Variants in SYT14 observed in about 807,000 individuals in gnomAD.
The protein encoded by SYT14 is synaptotagmin 14, also known as synaptotagmin-14.
SYT14 carries 32 observed loss-of-function variants against 74.2 expected under a neutral mutation model. The ratio of observed to expected loss-of-function variants is 0.43; its 90% CI spans 0.33 to 0.58. SYT14 has a LOEUF of 0.58. Among genes scored for constraint, SYT14 ranks in the 20% least tolerant of loss-of-function variants. The pLI is 0.05. For missense variants in SYT14, 791 were observed against 981.8 expected (o/e 0.81, Z 2.60); for synonymous variants, 298 against 337.7 (o/e 0.88, Z 1.29).
At chr1:210,082,454 T>A (rs2081634127) in intron 5 of SYT14, among the ~76,000 whole-genome samples, 1 of 152,140 alleles carries the variant, frequency 6.6e-6, no homozygotes, top group Admixed American at 6.5e-5. Flanking sequence ...ACATTTCGCT[T>A]CTGTTGGTGT....
At chr1:210,087,705 C>G (rs2081764576) in intron 5 of SYT14, among the ~76,000 whole-genome samples, 1 of 152,156 alleles carries the variant, frequency 6.6e-6, no homozygotes, top group African/African-American at 2.4e-5. Flanking sequence ...TCTGACACTG[C>G]ATGTTTGATT....
intron 7 of SYT14, among the ~76,000 whole-genome samples, chr1:210,111,405 C>G (rs1344364162): frequency 6.6e-6 from 1 of 151,406 alleles, no homozygotes; most frequent in African/African-American, 2.5e-5. Context: ...TCAGTTACTT[C>G]AGGCCATCTG....
intron 2 of SYT14, among the ~76,000 whole-genome samples, chr1:210,002,377 ACTTTATATTGGAAT>A (rs1297216547): frequency 7.2e-5 from 11 of 151,920 alleles, no homozygotes; most frequent in East Asian, 1.9e-4. Context: ...CCTGTTTTGA[ACTTTATATTGGAAT>A]CTTTATATTG....
chr1:210,163,362 A>G (rs752432462), exon 10 of SYT14: 4 of 453,598 alleles, frequency 8.8e-6, no homozygotes, highest in South Asian at 4.7e-5. Context: ...AAAAATTAAT[A>G]AACAGTTTTT....
In SYT14 at chr1:210,013,642, A is replaced by G. The variant is rs773689608; in HGVS notation, c.-476A>G. ...CTTTTTTTTTCTCTAGTATCTCCAG[A>G]GGCAGTTGGATTTTTGTCAGCTGTT... On this transcript the variant is annotated 5_prime_UTR_variant, in exon 3 of 10. Coordinates refer to ENST00000637265, the Ensembl canonical transcript of SYT14. 6.2e-7 allele frequency: 1 copy of G among 1,612,916 alleles called. No individual in the cohort carries two copies. Among genetic ancestry groups the G allele is most frequent in the Admixed American group, 1.7e-5 (1 of 59,990 alleles).
chr1:210,050,404 T>G (rs1001337089), intron 5 of SYT14, among the ~76,000 whole-genome samples: 4 of 152,186 alleles, frequency 2.6e-5, no homozygotes, highest in African/African-American at 9.7e-5. Flanking sequence ...ATTCAACAAG[T>G]CTATAGGAAG....
At chr1:210,104,819 CAAT>C (rs2082130118) in intron 7 of SYT14, among the ~76,000 whole-genome samples, 1 of 152,118 alleles carries the variant, frequency 6.6e-6, no homozygotes, top group Admixed American at 6.5e-5. Flanking sequence ...GAGTGGCTAG[CAAT>C]AATAATAGTG....
chr1:209,966,034 G>A, intron 2 of SYT14: 2 of 415,180 alleles, frequency 4.8e-6, no homozygotes, highest in Non-Finnish European at 9.6e-6. Flanking sequence ...ACCACACCCA[G>A]CTAATTTTGG....
intron 5 of SYT14, among the ~76,000 whole-genome samples, chr1:210,026,030 G>C (rs1033882033): frequency 2.6e-5 from 4 of 151,748 alleles, no homozygotes; most frequent in Non-Finnish European, 5.9e-5. Flanking sequence ...AGAAAAAGTA[G>C]GAAAATGTAA....
chr1:209,991,283 G>A (rs1251012123), intron 2 of SYT14, among the ~76,000 whole-genome samples: 5 of 152,014 alleles, frequency 3.3e-5, no homozygotes, highest in Non-Finnish European at 1.5e-5. Flanking sequence ...AGACAAATGG[G>A]GCTATATAAA....
At chr1:210,121,624 C>T (rs1372542151) in intron 7 of SYT14, among the ~76,000 whole-genome samples, 1 of 151,904 alleles carries the variant, frequency 6.6e-6, no homozygotes, top group Non-Finnish European at 1.5e-5. Context: ...GAAACTCTGT[C>T]TCTACTAAAA....
intron 2 of SYT14, among the ~76,000 whole-genome samples, chr1:209,989,809 G>A (rs2079633325): frequency 6.6e-6 from 1 of 152,042 alleles, no homozygotes; most frequent in African/African-American, 2.4e-5. Flanking sequence ...GCTTTGCCTA[G>A]TGTGTATATA....
At chr1:209,953,319 A>T (rs1450686998) in intron 2 of SYT14, 1 of 1,185,908 alleles carries the variant, frequency 8.4e-7, no homozygotes. Flanking sequence ...TGGAAGAATC[A>T]GGAGAACCTT....
chr1:210,000,613 C>CTTTTTTTTT (rs71146203), intron 2 of SYT14, among the ~76,000 whole-genome samples: 1 of 105,422 alleles, frequency 9.5e-6, no homozygotes. Flanking sequence ...TTTATGCCTT[C>CTTTTTTTTT]TTTTTTTTTT....
chr1:210,067,067 TC>T (rs1229932367), intron 5 of SYT14, among the ~76,000 whole-genome samples: 1 of 152,068 alleles, frequency 6.6e-6, no homozygotes, highest in Admixed American at 6.6e-5. Flanking sequence ...GACTGTTCTT[TC>T]CCCATTGAAT....
At chr1:210,145,520 A>G (rs1009043382) in intron 7 of SYT14, among the ~76,000 whole-genome samples, 2 of 152,242 alleles carry the variant, frequency 1.3e-5, no homozygotes, top group African/African-American at 4.8e-5. Flanking sequence ...GAGGACATAC[A>G]AAGATGAATA....
At position 209,964,687 on chromosome 1, in the gene SYT14, A is replaced by T. The variant is rs2079127728; in HGVS notation, c.-486+11931A>T. 2.0e-5 allele frequency among the ~76,000 whole-genome samples: 3 copies of T among 152,270 alleles called. No individual in the cohort carries two copies. The South Asian group carries it at 6.2e-4, about 32-fold the overall frequency. ...CCTATCATGAGGGGTCACACAGAGC[A>T]CACTTCCTCAGCAATGAAAATGCAG... On this transcript the variant is annotated intron_variant, in intron 2 of 9. Coordinates refer to ENST00000637265, the Ensembl canonical transcript of SYT14.
intron 7 of SYT14, among the ~76,000 whole-genome samples, chr1:210,128,990 G>A (rs2082623651): frequency 6.6e-6 from 1 of 152,010 alleles, no homozygotes; most frequent in South Asian, 2.1e-4. Context: ...CAAATATTTA[G>A]CAATGTATGT....
intron 7 of SYT14, among the ~76,000 whole-genome samples, chr1:210,148,231 A>G (rs552328427): frequency 5.9e-5 from 9 of 152,294 alleles, no homozygotes; most frequent in Admixed American, 3.9e-4. Context: ...TATCTAGGCC[A>G]GGCGCGGTGG....
Sources: gnomAD v4.1 joint callset for allele counts (sites outside exome capture counted in the v4.1 genomes callset) on GRCh38, gnomAD v4.1.1 for gene constraint, MANE v1.5 for transcripts, NCBI Gene and HGNC (gene_info 2026-07-23, HGNC 2026-07-21) for gene names.